The following BRDT variants were observed in gnomAD, a reference collection of about 807,000 sequenced individuals.
The protein encoded by BRDT is bromodomain testis associated.
In BRDT, 77 loss-of-function variants were observed where a neutral mutation model predicts 113.9. The observed-to-expected ratio is 0.68, with a 90% CI of 0.56 to 0.82. The LOEUF (loss-of-function observed/expected upper bound fraction) is 0.82, where lower values mean the gene tolerates loss of function less well. Among genes scored for constraint, BRDT ranks in the 40% least tolerant of loss-of-function variants. The pLI is 0.00. For missense variants in BRDT, 1,027 were observed against 1,105.4 expected (o/e 0.93, Z 1.01); for synonymous variants, 358 against 366.5 (o/e 0.98, Z 0.26).
At chr1:91,990,299 C>T (rs1570583316) in intron 12 of BRDT, among the ~76,000 whole-genome samples, 1 of 152,168 alleles carries the variant, frequency 6.6e-6, no homozygotes, top group African/African-American at 2.4e-5. Flanking sequence ...TGCCAAATAG[C>T]TTAGAAGTAT....
At chr1:92,010,438 C>A (rs1687697900) in intron 18 of BRDT, among the ~76,000 whole-genome samples, 1 of 151,634 alleles carries the variant, frequency 6.6e-6, no homozygotes, top group East Asian at 1.9e-4. Flanking sequence ...CCATGCCCAG[C>A]TAATTTTGTT....
intron 3 of BRDT, among the ~76,000 whole-genome samples, chr1:91,965,862 T>C (rs1683015209): frequency 6.7e-6 from 1 of 149,140 alleles, no homozygotes; most frequent in Admixed American, 6.7e-5. Flanking sequence ...AAAAAAAAAA[T>C]CCACCTTCCT....
rs1347698241 is a variant in BRDT, at chr1:91,987,092, G to A, written c.2003-4092G>A. 2.0e-5 allele frequency among the ~76,000 whole-genome samples: 3 copies of A among 151,892 alleles called. No individual in the cohort carries two copies. The South Asian group carries it at 6.2e-4, about 32-fold the overall frequency. ...GCACCACCAAGCCTGGCTAATTTTT[G>A]TATTTTTAGTAGAGAGTGGGTTTCC... On this transcript the variant is annotated intron_variant, in intron 12 of 18. Transcript: ENST00000399546.
At chr1:91,954,267 C>T (rs552340558) in intron 1 of BRDT, among the ~76,000 whole-genome samples, 4 of 138,288 alleles carry the variant, frequency 2.9e-5, no homozygotes, top group Non-Finnish European at 4.6e-5. Flanking sequence ...CCACGGTGCT[C>T]GGCATTTTTT....
At chr1:92,011,764 C>T (rs1687815729) in intron 18 of BRDT, among the ~76,000 whole-genome samples, 1 of 152,206 alleles carries the variant, frequency 6.6e-6, no homozygotes, top group South Asian at 2.1e-4. Flanking sequence ...AGCTTGATAA[C>T]TAACAACCCG....
intron 18 of BRDT, among the ~76,000 whole-genome samples, chr1:92,012,160 C>T (rs1012104569): frequency 1.3e-5 from 2 of 151,980 alleles, no homozygotes; most frequent in African/African-American, 4.8e-5. Context: ...ATTAGCCAGC[C>T]ATGGTGGCGC....
chr1:91,959,105 A>T (rs1682123517), intron 1 of BRDT, among the ~76,000 whole-genome samples: 1 of 152,218 alleles, frequency 6.6e-6, no homozygotes, highest in South Asian at 2.1e-4. Flanking sequence ...TAATAAATAC[A>T]CATATATATA....
intron 7 of BRDT, among the ~76,000 whole-genome samples, chr1:91,978,832 C>G (rs553098475): frequency 5.3e-5 from 8 of 151,848 alleles, no homozygotes; most frequent in Admixed American, 5.2e-4. Context: ...AACCCCGTCT[C>G]TACTAAAAAA....
At chr1:91,993,706 G>T (rs1686010045) in intron 14 of BRDT, among the ~76,000 whole-genome samples, 1 of 152,122 alleles carries the variant, frequency 6.6e-6, no homozygotes, top group Admixed American at 6.6e-5. Flanking sequence ...CTCTAGATTT[G>T]CTATAAAAGC....
intron 4 of BRDT, 143 bp downstream of exon 4, chr1:91,968,403 A>G (rs1414063534): frequency 8.0e-7 from 1 of 1,244,304 alleles, no homozygotes; most frequent in East Asian, 2.6e-5. Flanking sequence ...CATTTGAAAC[A>G]ATCTGCCAAA....
intron 2 of BRDT, among the ~76,000 whole-genome samples, chr1:91,964,341 G>A (rs986230069): frequency 6.6e-6 from 1 of 152,140 alleles, no homozygotes; most frequent in Admixed American, 6.5e-5. Flanking sequence ...GATTACAGGC[G>A]TGAGCCACCA....
At chr1:91,973,821 T>C (rs199814441) in intron 4 of BRDT, among the ~76,000 whole-genome samples, 2 of 152,146 alleles carry the variant, frequency 1.3e-5, no homozygotes, top group East Asian at 3.9e-4. Context: ...CTATGTTGAA[T>C]AGGAGTGGTG....
At chr1:91,967,767 A>G (rs558347250) in intron 3 of BRDT, among the ~76,000 whole-genome samples, 1 of 152,284 alleles carries the variant, frequency 6.6e-6, no homozygotes, top group African/African-American at 2.4e-5. Context: ...TCCCGACCTC[A>G]GATGATCTAC....
intron 12 of BRDT, among the ~76,000 whole-genome samples, chr1:91,988,798 CTT>C (rs1306006509): frequency 2.6e-5 from 4 of 152,072 alleles, no homozygotes; most frequent in Non-Finnish European, 4.4e-5. Flanking sequence ...GTACATTTGT[CTT>C]TTAATTTCAA....
At chr1:91,995,887 C>T (rs1440621315) in intron 15 of BRDT, among the ~76,000 whole-genome samples, 4 of 152,082 alleles carry the variant, frequency 2.6e-5, no homozygotes, top group African/African-American at 4.8e-5. Context: ...ATCCGCTTGC[C>T]TCAGCCTCCC....
intron 4 of BRDT, 58 bp downstream of exon 4, chr1:91,968,318 ATG>A (rs576541262): frequency 6.3e-7 from 1 of 1,575,270 alleles, no homozygotes; most frequent in Non-Finnish European, 8.6e-7. Flanking sequence ...TATCTATCTC[ATG>A]TGTGTGTGTA....
At chr1:91,985,934 G>A (rs540336308) in intron 12 of BRDT, among the ~76,000 whole-genome samples, 4 of 152,264 alleles carry the variant, frequency 2.6e-5, no homozygotes, top group Non-Finnish European at 4.4e-5. Context: ...CACCGCGCCC[G>A]GCCCAAATCC....
intron 14 of BRDT, among the ~76,000 whole-genome samples, chr1:91,992,657 T>G (rs1039102756): frequency 2.6e-5 from 4 of 152,134 alleles, no homozygotes; most frequent in African/African-American, 9.7e-5. Context: ...TGCCTCAGTC[T>G]CCGGAGTAGC....
At chr1:91,975,257 G>T (rs1359936230) in intron 4 of BRDT, among the ~76,000 whole-genome samples, 3 of 151,920 alleles carry the variant, frequency 2.0e-5, no homozygotes, top group Non-Finnish European at 4.4e-5. Flanking sequence ...TTGTGCACAT[G>T]TACCCTAGAA....
Sources: allele counts gnomAD v4.1 joint callset (sites outside exome capture counted in the v4.1 genomes callset), GRCh38; gene constraint gnomAD v4.1.1; transcripts MANE v1.5; gene names NCBI Gene and HGNC (gene_info 2026-07-23, HGNC 2026-07-21).